The following UBA1 variants were observed in gnomAD, a reference collection of about 807,000 sequenced individuals.
The protein encoded by UBA1 is ubiquitin like modifier activating enzyme 1.
Under a neutral mutation model 84.7 loss-of-function variants are expected in UBA1, and 4 were observed. The ratio of observed to expected loss-of-function variants is 0.05; its 90% confidence interval spans 0.02 to 0.11. The LOEUF is 0.11. Among genes scored for constraint, UBA1 ranks in the 10% least tolerant of loss-of-function variants. UBA1 has a pLI of 1.00. For synonymous variants in UBA1, 364 were observed against 362.6 expected, an observed-to-expected ratio of 1.00 and a Z score of -0.04; for missense variants, 513 against 902.8, an observed-to-expected ratio of 0.57 and a Z score of 5.53.
At chrX:47,192,696 T>C (rs931172314), upstream of UBA1, among the ~76,000 whole-genome samples, 1 of 111,126 alleles carries the variant, frequency 9.0e-6, no homozygotes, top group African/African-American at 3.3e-5. Flanking sequence ...GTTCAAGCGA[T>C]TCTCCTGCCT....
At position 47,214,920 on chromosome X, in the gene UBA1, C is replaced by T; in HGVS notation, c.3168C>T (p.Thr1056=). The part of the protein sequence containing the change: ...EDVEVPYVRY[T]IR Reference sequence around the variant, plus strand: ...TCGAGGTTCCCTATGTCCGATACACCATCCGCTGACCCCGTCTGCTCCTCT... The same window carrying T: ...TCGAGGTTCCCTATGTCCGATACACTATCCGCTGACCCCGTCTGCTCCTCT... Residue 1056 remains threonine, a synonymous_variant, in exon 26 of 26, where the codon ACC becomes ACT. Transcript: ENST00000335972. 2 of 1,210,421 alleles carry T rather than the reference C, an allele frequency of 1.7e-6. No homozygotes were observed. The highest frequency in any genetic ancestry group is 2.2e-6 in the Non-Finnish European group (2 of 895,428).
intron 16 of UBA1, among the ~76,000 whole-genome samples, chrX:47,207,273 T>C (rs1206294699): frequency 8.9e-6 from 1 of 111,930 alleles, no homozygotes; most frequent in Non-Finnish European, 1.9e-5. Flanking sequence ...ACAGTGCATA[T>C]ATTATCTAGC....
chrX:47,206,024 G>A lies in UBA1; in HGVS notation c.1652G>A (p.Arg551His). ...PHIRVTSHQN[R>H]VGPDTERIYD... ...ATCCGGGTGACAAGCCACCAGAACCGTGTGGGTCCTGACACGGAGCGCATC... is the reference window on the plus strand; with the variant it reads ...ATCCGGGTGACAAGCCACCAGAACCATGTGGGTCCTGACACGGAGCGCATC... Residue 551 changes from arginine (R) to histidine (H), a missense_variant, in exon 15 of 26, where the codon CGT becomes CAT. Around this residue, in one of 6 missense-constraint regions of UBA1, gnomAD observed 55 missense variants for 104.8 expected, o/e 0.52. Coordinates refer to ENST00000335972, the MANE Select transcript of UBA1 (RefSeq NM_003334.4). 8.3e-7 allele frequency: 1 copy of A among 1,205,839 alleles called. No individual in the cohort carries two copies.
At chrX:47,199,746 G>A in intron 5 of UBA1, 132 bp downstream of exon 5, 1 of 789,312 alleles carries the variant, frequency 1.3e-6, no homozygotes, top group Middle Eastern at 3.1e-4. Context: ...ACTAGAGTAT[G>A]CAGGCAGCAG....
chrX:47,204,721 GT>G (rs782529295), intron 14 of UBA1, among the ~76,000 whole-genome samples: 2 of 111,664 alleles, frequency 1.8e-5, no homozygotes, highest in East Asian at 5.6e-4. Flanking sequence ...AAGGGTTGTA[GT>G]TTCAGTCTCC....
At chrX:47,213,976 A>G (rs1937038281) in intron 23 of UBA1, among the ~76,000 whole-genome samples, 1 of 111,081 alleles carries the variant, frequency 9.0e-6, no homozygotes, top group African/African-American at 3.3e-5. Flanking sequence ...ATGACATTTG[A>G]GATCAGACTT....
chrX:47,201,444 G>C, intron 7 of UBA1, 34 bp from the exon 8 acceptor site: 1 of 1,211,793 alleles, frequency 8.3e-7, no homozygotes, highest in Non-Finnish European at 1.1e-6. Context: ...GGTACCCTGG[G>C]CCTGTTTCTG....
chrX:47,200,965 C>T lies in UBA1; in HGVS notation c.552C>T (p.Ile184=), dbSNP rs373696119. Residue 184 remains isoleucine (I), a synonymous_variant, in exon 6 of 26, where the codon ATC becomes ATT. Transcript: ENST00000335972. ...RVGEFCHNRG[I]KLVVADTRGL... ...GTGAGTTCTGTCACAACCGTGGCAT[C>T]AAGCTGGTGGTGGCAGACACGCGGG... The T allele has an allele frequency of 1.7e-6, 2 of 1,205,359 alleles. No homozygotes were observed. Among genetic ancestry groups the T allele is most frequent in the Non-Finnish European group, 2.2e-6 (2 of 892,261 alleles).
intron 1 of UBA1, among the ~76,000 whole-genome samples, chrX:47,196,474 G>GT (rs1936210389): frequency 8.9e-6 from 1 of 111,880 alleles, no homozygotes; most frequent in South Asian, 3.7e-4. Context: ...ACTCAGGTAT[G>GT]TTTAGAAACT....
At chrX:47,212,091 T>TC (rs1285203109) in intron 20 of UBA1, among the ~76,000 whole-genome samples, 1 of 105,273 alleles carries the variant, frequency 9.5e-6, no homozygotes, top group East Asian at 3.1e-4. Context: ...TCCTCTGTGT[T>TC]CCCCCCATCT....
At chrX:47,209,552 C>T in intron 16 of UBA1, 71 bp from the exon 17 acceptor site, 4 of 998,987 alleles carry the variant, frequency 4.0e-6, no homozygotes, top group Non-Finnish European at 5.7e-6. Flanking sequence ...ACTGATGGTC[C>T]TTCTAATAAT....
At chrX:47,210,256 G>A in intron 18 of UBA1, 133 bp downstream of exon 18, 3 of 747,150 alleles carry the variant, frequency 4.0e-6, no homozygotes, top group East Asian at 3.4e-5. Context: ...AAGAGTGATT[G>A]ATCCTGACCT....
chrX:47,202,918 C>G (rs1380825739), intron 11 of UBA1, 25 bp from the exon 12 acceptor site: 1 of 1,202,313 alleles, frequency 8.3e-7, no homozygotes, highest in Non-Finnish European at 1.1e-6. Context: ...CACTGACCAC[C>G]CCCTCTCTCC....
intron 21 of UBA1, 99 bp downstream of exon 21, chrX:47,212,611 G>A: frequency 1.1e-6 from 1 of 908,125 alleles, no homozygotes; most frequent in South Asian, 2.1e-5. Flanking sequence ...CCTTTGTGGG[G>A]ATCAGATTGT....
At chrX:47,198,703 A>G in intron 1 of UBA1, 100 bp from the exon 2 acceptor site, 1 of 797,368 alleles carries the variant, frequency 1.3e-6, no homozygotes, top group Non-Finnish European at 1.9e-6. Context: ...AAATGGGGGT[A>G]CTAATACTTA....
At chrX:47,209,767 A>G (rs1556792770) in intron 17 of UBA1, 80 bp downstream of exon 17, 4 of 1,109,281 alleles carry the variant, frequency 3.6e-6, no homozygotes, top group African/African-American at 1.8e-5. Context: ...TGACAGTAAC[A>G]CTTGGCACCA....
chrX:47,213,875 AAAAAGAT>A (rs1937033055), intron 23 of UBA1, among the ~76,000 whole-genome samples: 1 of 111,602 alleles, frequency 9.0e-6, no homozygotes, highest in Admixed American at 9.5e-5. Context: ...TCAAAAAAAA[AAAAAGAT>A]AAAGAGGACT....
intron 1 of UBA1, among the ~76,000 whole-genome samples, chrX:47,194,758 C>T (rs1344170503): frequency 8.9e-6 from 1 of 112,016 alleles, no homozygotes; most frequent in Admixed American, 9.4e-5. Flanking sequence ...CCTTGAGAGA[C>T]TCTTCAATTC....
chrX:47,201,410 C>T (rs987945863), intron 7 of UBA1, 44 bp downstream of exon 7: 9 of 1,208,914 alleles, frequency 7.4e-6, no homozygotes, highest in Non-Finnish European at 1.0e-5. Flanking sequence ...AGGTGGGCTG[C>T]AGTAGTCCTT....
Sources: gnomAD v4.1 joint callset for allele counts (sites outside exome capture counted in the v4.1 genomes callset) on GRCh38, gnomAD v4.1.1 for gene constraint, gnomAD v4.1.1 regional missense constraint, MANE v1.5 for transcripts, NCBI Gene and HGNC (gene_info 2026-07-23, HGNC 2026-07-21) for gene names.